ANO10: variants seen among roughly 807,000 people sequenced by gnomAD.
ANO10 encodes the protein anoctamin 10.
ANO10 carries 77 observed loss-of-function variants against 74.7 expected under a neutral mutation model. The ratio of observed to expected loss-of-function variants is 1.03; its 90% CI spans 0.86 to 1.25. The LOEUF (loss-of-function observed/expected upper bound fraction) is 1.25. ANO10 is among the 50% of genes most tolerant of loss of function. The pLI, the probability that ANO10 is intolerant of heterozygous loss-of-function variation, is 0.00. For synonymous variants in ANO10, 279 were observed against 284.9 expected, an observed-to-expected ratio of 0.98 and a Z score of 0.21; for missense variants, 721 against 778.1, an observed-to-expected ratio of 0.93 and a Z score of 0.87.
At chr3:43,401,003 CT>C (rs1262965301) in intron 12 of ANO10, among the ~76,000 whole-genome samples, 1 of 152,136 alleles carries the variant, frequency 6.6e-6, no homozygotes, top group African/African-American at 2.4e-5. Flanking sequence ...TTTAGTCTGC[CT>C]TTATCTGTTT....
At chr3:43,651,780 C>T (rs960901875) in intron 1 of ANO10, among the ~76,000 whole-genome samples, 8 of 152,072 alleles carry the variant, frequency 5.3e-5, no homozygotes, top group African/African-American at 1.9e-4. Flanking sequence ...CTATTTTGTA[C>T]CAGTGTTTTT....
At chr3:43,552,750 G>A (rs1391054244) in intron 10 of ANO10, among the ~76,000 whole-genome samples, 1 of 147,518 alleles carries the variant, frequency 6.8e-6, no homozygotes, top group Non-Finnish European at 1.5e-5. Context: ...ATGTATGTAT[G>A]TATGTATGTA....
chr3:43,622,101 G>A (rs1315238293), upstream of ANO10: 1 of 152,872 alleles, frequency 6.5e-6, no homozygotes, highest in Non-Finnish European at 1.5e-5. Flanking sequence ...GGCGGGAGAG[G>A]CGGGGCCTCA....
intron 1 of ANO10, among the ~76,000 whole-genome samples, chr3:43,686,596 T>C (rs1342688361): frequency 6.6e-6 from 1 of 152,294 alleles, no homozygotes; most frequent in African/African-American, 2.4e-5. Flanking sequence ...CAAACTCTCA[T>C]CTTTATAGAT....
At chr3:43,399,669 G>A (rs939289426) in intron 12 of ANO10, among the ~76,000 whole-genome samples, 2 of 152,136 alleles carry the variant, frequency 1.3e-5, no homozygotes, top group African/African-American at 2.4e-5. Flanking sequence ...CTCTGTGTAC[G>A]TAGACTGCAT....
chr3:43,571,155 G>A (rs1357303384), intron 7 of ANO10, among the ~76,000 whole-genome samples: 63 of 150,284 alleles, frequency 4.2e-4, no homozygotes, highest in Middle Eastern at 3.4e-3. Flanking sequence ...ACACCAGTTA[G>A]AATGGCAATC....
At chr3:43,580,740 C>T (rs534405750) in intron 4 of ANO10, among the ~76,000 whole-genome samples, 99 of 152,254 alleles carry the variant, frequency 6.5e-4, no homozygotes, top group Non-Finnish European at 1.1e-3. Flanking sequence ...GTTAGTCTCT[C>T]TTTCCCCTTG....
At chr3:43,566,448 G>T (rs953453613) in intron 7 of ANO10, among the ~76,000 whole-genome samples, 25 of 152,318 alleles carry the variant, frequency 1.6e-4, no homozygotes, top group South Asian at 1.0e-3. Flanking sequence ...CTGACAGCTT[G>T]GAAGAGAGCA....
chr3:43,688,942 T>C (rs565419199), intron 1 of ANO10, among the ~76,000 whole-genome samples: 1 of 152,220 alleles, frequency 6.6e-6, no homozygotes, highest in South Asian at 2.1e-4. Flanking sequence ...TGGTATCAGC[T>C]TGGCTTCTGG....
intron 12 of ANO10, among the ~76,000 whole-genome samples, chr3:43,384,872 T>C (rs1186325963): frequency 1.3e-5 from 2 of 152,190 alleles, no homozygotes; most frequent in African/African-American, 2.4e-5. Context: ...AAAGACTTCA[T>C]GACCAAGAAC....
intron 11 of ANO10, among the ~76,000 whole-genome samples, chr3:43,442,415 CTCAA>C (rs1559548020): frequency 6.6e-6 from 1 of 151,974 alleles, no homozygotes; most frequent in Non-Finnish European, 1.5e-5. Context: ...AAATTGAGAA[CTCAA>C]TCATTTTTAC....
intron 11 of ANO10, among the ~76,000 whole-genome samples, chr3:43,453,247 T>C (rs974510779): frequency 1.3e-5 from 2 of 150,862 alleles, no homozygotes; most frequent in African/African-American, 4.9e-5. Flanking sequence ...GGCGTGATCT[T>C]GGCTCACTTG....
At chr3:43,396,691 T>C (rs1267741387) in intron 12 of ANO10, among the ~76,000 whole-genome samples, 2 of 151,894 alleles carry the variant, frequency 1.3e-5, no homozygotes, top group Non-Finnish European at 2.9e-5. Context: ...GACAGGGCCT[T>C]GCTCTGTCGT....
At chr3:43,585,796 A>C (rs1559742577) in intron 4 of ANO10, among the ~76,000 whole-genome samples, 1 of 152,210 alleles carries the variant, frequency 6.6e-6, no homozygotes, top group Non-Finnish European at 1.5e-5. Context: ...GAGATTAAGA[A>C]AGATTCAAAA....
At chr3:43,428,796 C>CAAAAAAAAAACAAAA (rs2092936856) in intron 12 of ANO10, among the ~76,000 whole-genome samples, 1 of 55,424 alleles carries the variant, frequency 1.8e-5, no homozygotes, top group Non-Finnish European at 3.2e-5. Flanking sequence ...TTTGTGAATG[C>CAAAAAAAAAACAAAA]AAAAAAAAAA....
At chr3:43,389,577 T>C (rs1355336435) in intron 12 of ANO10, among the ~76,000 whole-genome samples, 4 of 152,140 alleles carry the variant, frequency 2.6e-5, no homozygotes, top group Admixed American at 6.5e-5. Flanking sequence ...TAAATAACCA[T>C]GCAACTGTAT....
intron 1 of ANO10, chr3:43,690,674 C>T (rs2084348800): frequency 2.8e-6 from 1 of 351,356 alleles, no homozygotes; most frequent in African/African-American, 2.1e-5. Flanking sequence ...TGAATACAGT[C>T]ATTATTCAAA....
intron 12 of ANO10, among the ~76,000 whole-genome samples, chr3:43,383,470 A>G (rs1559495226): frequency 6.6e-6 from 1 of 151,594 alleles, no homozygotes; most frequent in African/African-American, 2.4e-5. Flanking sequence ...AAAAAAAAAA[A>G]AAAAGGATAC....
chr3:43,471,349 T>G (rs944333743), intron 11 of ANO10, among the ~76,000 whole-genome samples: 1 of 152,210 alleles, frequency 6.6e-6, no homozygotes, highest in Non-Finnish European at 1.5e-5. Flanking sequence ...GAGACAAAGT[T>G]TTAAAATTCA....
Sources: gnomAD v4.1 joint callset for allele counts (sites outside exome capture counted in the v4.1 genomes callset) on GRCh38, gnomAD v4.1.1 for gene constraint, MANE v1.5 for transcripts, NCBI Gene and HGNC (gene_info 2026-07-23, HGNC 2026-07-21) for gene names.